The following AFTPH variants were observed in gnomAD, a reference collection of about 807,000 sequenced individuals.
AFTPH encodes aftiphilin.
In AFTPH, 7 loss-of-function variants were observed where a neutral mutation model predicts 72.5. The observed-to-expected ratio is 0.10, with a 90% confidence interval of 0.05 to 0.18. The LOEUF (loss-of-function observed/expected upper bound fraction) is 0.18. AFTPH is among the 10% of genes least tolerant of loss of function. The probability of loss-of-function intolerance (pLI) is 1.00; values close to 1 mark genes in which losing one functional copy is unlikely to be tolerated. For missense variants in AFTPH, 979 were observed against 1,060.5 expected (o/e 0.92, Z 1.07); for synonymous variants, 337 against 370.1 (o/e 0.91, Z 1.03).
At position 64,569,917 on chromosome 2, in the gene AFTPH, T is replaced by C. The variant is rs576671049; in HGVS notation, c.2271+238T>C. Among the ~76,000 whole-genome samples the C allele has an allele frequency of 9.3e-4, 142 of 152,272 alleles. 1 individual carries two copies. In the South Asian group the frequency reaches 0.015, roughly 16 times the overall value. The stretch of plus-strand genomic sequence containing the variant: ...ATTGAAAATTTTTATCTTAGTAATA[T>C]TAGCATATATAACTGTAAAATGCAC... On this transcript the variant is annotated intron_variant, in intron 5 of 8. Transcript: ENST00000238856.
chr2:64,547,581 C>T (rs891394243), intron 1 of AFTPH, among the ~76,000 whole-genome samples: 24 of 152,128 alleles, frequency 1.6e-4, no homozygotes, highest in Non-Finnish European at 8.8e-5. Flanking sequence ...ATATCCAGTT[C>T]CTCATCTAAC....
intron 6 of AFTPH, among the ~76,000 whole-genome samples, chr2:64,576,117 ACG>A (rs1672776484): frequency 1.5e-5 from 1 of 66,864 alleles, no homozygotes; most frequent in Non-Finnish European, 2.4e-5. Flanking sequence ...ACACACACAC[ACG>A]TGTGTCATAC....
chr2:64,543,463 C>T (rs1670380120), intron 1 of AFTPH, among the ~76,000 whole-genome samples: 1 of 152,208 alleles, frequency 6.6e-6, no homozygotes, highest in Admixed American at 6.5e-5. Context: ...TAAGGTCATA[C>T]AAATAATCTC....
chr2:64,573,158 T>C, intron 6 of AFTPH, 90 bp downstream of exon 6: 1 of 987,596 alleles, frequency 1.0e-6, no homozygotes, highest in South Asian at 2.0e-5. Context: ...TTTATGACTG[T>C]TTTAAAAATA....
intron 7 of AFTPH, 94 bp downstream of exon 8, chr2:64,581,367 G>T: frequency 1.0e-6 from 1 of 986,414 alleles, no homozygotes; most frequent in Non-Finnish European, 1.5e-6. Context: ...CAAGTAGATT[G>T]TATTCTCTAT....
intron 1 of AFTPH, among the ~76,000 whole-genome samples, chr2:64,531,276 G>A (rs12713515): frequency 0.32 from 48,829 of 151,850 alleles, 7,912 homozygotes; most frequent in South Asian, 0.39. Flanking sequence ...TAGAAGTAGA[G>A]TTATTAAGTC....
chr2:64,549,308 C>CTTT lies in AFTPH; in HGVS notation c.-32-2107_-32-2105dup, dbSNP rs34951706. 2.3e-3 allele frequency among the ~76,000 whole-genome samples: 130 copies of CTTT among 56,048 alleles called. 6 individuals carry two copies. Among genetic ancestry groups the CTTT allele is most frequent in the African/African-American group, 4.0e-3 (66 of 16,396 alleles). The allele number at this position is 56,048 out of a possible 152,430, so 36.8% of individuals were successfully genotyped here. On this transcript the variant is annotated intron_variant, in intron 1 of 8. Coordinates refer to ENST00000238856, the Ensembl canonical transcript of AFTPH. ...CTAGGACTTTGGCTGTTAGTCCTCC[C>CTTT]TTTTTTTTTTTTTTTTTTTTTTTTT...
At position 64,524,618 on chromosome 2, in the gene AFTPH, C is replaced by T; in HGVS notation, c.-33+6C>T. The T allele has an allele frequency of 2.5e-6, 1 of 397,960 alleles. No individual in the cohort carries two copies. The highest frequency in any genetic ancestry group is 4.4e-6 in the Non-Finnish European group (1 of 225,788). 24.7% of individuals were successfully genotyped at this position (397,960 alleles called of 1,614,324 possible). A position where few individuals can be genotyped will look rare whatever the true frequency, so the allele number is the denominator to read the frequency against. Reference sequence around the variant, plus strand: ...AGCCGCCCCGAAGGAGCCAGGTAAGCGCCGCCGCTCCGCTCCCCTAGCTGC... The same window carrying T: ...AGCCGCCCCGAAGGAGCCAGGTAAGTGCCGCCGCTCCGCTCCCCTAGCTGC... On this transcript the variant is annotated splice_donor_region_variant and intron_variant, in intron 1 of 8. Transcript: ENST00000238856.
At chr2:64,534,823 A>T (rs1182143569) in intron 1 of AFTPH, among the ~76,000 whole-genome samples, 1 of 152,054 alleles carries the variant, frequency 6.6e-6, no homozygotes, top group African/African-American at 2.4e-5. Context: ...GAATAAACAA[A>T]TGATTTCATA....
At chr2:64,525,379 G>C (rs986716386) in intron 1 of AFTPH, 2 of 153,998 alleles carry the variant, frequency 1.3e-5, no homozygotes, top group African/African-American at 4.8e-5. Flanking sequence ...TTTTTTCCTT[G>C]TTGCTTTGTG....
intron 7 of AFTPH, 110 bp downstream of exon 8, chr2:64,581,383 C>A: frequency 1.3e-6 from 1 of 781,942 alleles, no homozygotes; most frequent in African/African-American, 1.8e-5. Flanking sequence ...TCTATAATGT[C>A]TTTTTAATAC....
chr2:64,582,968 T>A (rs1393437034), intron 7 of AFTPH, among the ~76,000 whole-genome samples: 3 of 152,220 alleles, frequency 2.0e-5, no homozygotes, highest in Non-Finnish European at 4.4e-5. Flanking sequence ...ATCAGCATGG[T>A]CAAATGCAGT....
chr2:64,555,989 C>CTTTTTTTTTTTTTTTTTTTTTTT (rs774669104), intron 2 of AFTPH, among the ~76,000 whole-genome samples: 3 of 134,100 alleles, frequency 2.2e-5, no homozygotes, highest in African/African-American at 9.3e-5. Flanking sequence ...GAATTCCTCA[C>CTTTTTTTTTTTTTTTTTTTTTTT]TTTTTTTTTT....
intron 8 of AFTPH, among the ~76,000 whole-genome samples, chr2:64,586,872 A>G (rs1326734052): frequency 6.6e-6 from 1 of 152,230 alleles, no homozygotes; most frequent in African/African-American, 2.4e-5. Flanking sequence ...TGTATATGTT[A>G]ACTAAAAGCT....
chr2:64,543,423 G>A (rs189326087), intron 1 of AFTPH, among the ~76,000 whole-genome samples: 4 of 152,202 alleles, frequency 2.6e-5, no homozygotes, highest in Admixed American at 2.0e-4. Flanking sequence ...CAGTGTTTCT[G>A]TTTCTTGTTT....
intron 1 of AFTPH, among the ~76,000 whole-genome samples, chr2:64,545,823 A>C (rs953788892): frequency 2.6e-5 from 4 of 151,982 alleles, no homozygotes; most frequent in African/African-American, 4.8e-5. Context: ...TAGTTACACA[A>C]ATCTGAATAG....
intron 5 of AFTPH, among the ~76,000 whole-genome samples, chr2:64,571,725 G>C (rs1672442775): frequency 1.3e-5 from 2 of 152,124 alleles, no homozygotes; most frequent in East Asian, 3.8e-4. Context: ...GCCCAGTTAA[G>C]GGTGATTTTG....
intron 1 of AFTPH, among the ~76,000 whole-genome samples, chr2:64,544,430 C>T (rs1670440604): frequency 6.6e-6 from 1 of 152,194 alleles, no homozygotes; most frequent in East Asian, 1.9e-4. Context: ...CACACACACA[C>T]ATGCTTGCTT....
At chr2:64,540,892 T>G (rs889556016) in intron 1 of AFTPH, among the ~76,000 whole-genome samples, 1 of 152,168 alleles carries the variant, frequency 6.6e-6, no homozygotes, top group African/African-American at 2.4e-5. Context: ...GTAAAAATCT[T>G]TCCCCTTCCA....
Sources: allele counts gnomAD v4.1 joint callset (sites outside exome capture counted in the v4.1 genomes callset), GRCh38; gene constraint gnomAD v4.1.1; transcripts MANE v1.5; gene names NCBI Gene and HGNC (gene_info 2026-07-23, HGNC 2026-07-21).